The following SPP2 variants were observed in gnomAD, a reference collection of about 807,000 sequenced individuals.
The protein encoded by SPP2 is secreted phosphoprotein 24.
SPP2 carries 34 observed loss-of-function variants against 28.8 expected under a neutral mutation model. The observed-to-expected ratio is 1.18, with a 90% CI of 0.90 to 1.57. The LOEUF (loss-of-function observed/expected upper bound fraction) is 1.57, where lower values mean the gene tolerates loss of function less well. SPP2 is among the 40% of genes most tolerant of loss of function. The probability of loss-of-function intolerance (pLI) is 0.00; values close to 1 mark genes in which losing one functional copy is unlikely to be tolerated. For synonymous variants in SPP2, 96 were observed against 89.4 expected (o/e 1.07, Z -0.42); for missense variants, 269 against 263.9 (o/e 1.02, Z -0.13).
At chr2:234,057,409 C>A (rs1429477818) in intron 2 of SPP2, among the ~76,000 whole-genome samples, 1 of 152,218 alleles carries the variant, frequency 6.6e-6, no homozygotes, top group African/African-American at 2.4e-5. Flanking sequence ...GGATGAGCTT[C>A]TTCCCATCCT....
chr2:234,066,455 T>A (rs1053092195), intron 4 of SPP2, 78 bp from the exon 5 acceptor site: 2 of 1,162,036 alleles, frequency 1.7e-6, no homozygotes, highest in African/African-American at 3.0e-5. Flanking sequence ...GTCTTCCAGA[T>A]GACATTTACA....
chr2:234,071,302 A>T (rs1690776066), intron 7 of SPP2, among the ~76,000 whole-genome samples: 1 of 152,128 alleles, frequency 6.6e-6, no homozygotes. Flanking sequence ...GCCCCATATA[A>T]ACTAATGCTT....
At chr2:234,052,270 C>T (rs1693513627) in intron 2 of SPP2, among the ~76,000 whole-genome samples, 1 of 152,086 alleles carries the variant, frequency 6.6e-6, no homozygotes, top group East Asian at 1.9e-4. Flanking sequence ...AATACAGAAC[C>T]CCCTTTCCTT....
intron 4 of SPP2, among the ~76,000 whole-genome samples, chr2:234,066,268 G>A (rs11562991): frequency 0.019 from 2,823 of 152,238 alleles, 33 homozygotes; most frequent in Non-Finnish European, 0.027. Context: ...TCTGGAAGCC[G>A]GCAATGTTTG....
At chr2:234,061,361 A>G (rs183023028) in intron 4 of SPP2, among the ~76,000 whole-genome samples, 201 of 152,302 alleles carry the variant, frequency 1.3e-3, no homozygotes, top group Admixed American at 2.4e-3. Flanking sequence ...ATGCAAGAAA[A>G]CTGGGGAAGA....
intron 7 of SPP2, among the ~76,000 whole-genome samples, chr2:234,072,106 T>C (rs1690801624): frequency 6.6e-6 from 1 of 152,242 alleles, no homozygotes; most frequent in South Asian, 2.1e-4. Context: ...GTGAATGAAA[T>C]CCTTCACTTT....
At chr2:234,068,702 C>CTTT (rs35373190) in intron 6 of SPP2, among the ~76,000 whole-genome samples, 3 of 128,420 alleles carry the variant, frequency 2.3e-5, no homozygotes, top group African/African-American at 8.6e-5. Flanking sequence ...GAATCCATGG[C>CTTT]TTTTTTTTTT....
chr2:234,065,288 TTTG>T lies in SPP2; in HGVS notation c.445-1235_445-1233del, dbSNP rs199603713. Among the ~76,000 whole-genome samples, 1,130 of 152,282 alleles carry T rather than the reference TTTG, an allele frequency of 7.4e-3. 12 individuals carry two copies. Among genetic ancestry groups the T allele is most frequent in the African/African-American group, 0.026 (1,080 of 41,554 alleles). ...GACGTGGTATCTCATTGTAGTTTTT[TTTG>T]TTGTTGTTGACAGAGTCTCACTCTG... On this transcript the variant is annotated intron_variant, in intron 4 of 7. Coordinates refer to ENST00000168148, the MANE Select transcript of SPP2 (RefSeq NM_006944.3).
intron 2 of SPP2, 124 bp downstream of exon 2, chr2:234,051,219 T>C: frequency 7.9e-7 from 1 of 1,263,116 alleles, no homozygotes; most frequent in African/African-American, 1.5e-5. Flanking sequence ...GTCATCTCTT[T>C]CATACTGTCT....
intron 6 of SPP2, among the ~76,000 whole-genome samples, chr2:234,069,340 G>A (rs1326369815): frequency 6.6e-6 from 1 of 152,180 alleles, no homozygotes; most frequent in Non-Finnish European, 1.5e-5. Flanking sequence ...CCCAATGTGG[G>A]AAGGGACTGC....
intron 7 of SPP2, among the ~76,000 whole-genome samples, chr2:234,070,620 C>T (rs1349433678): frequency 6.6e-6 from 1 of 152,114 alleles, no homozygotes; most frequent in African/African-American, 2.4e-5. Flanking sequence ...TGCCACCACG[C>T]TCAGCTAATA....
chr2:234,052,874 T>TATTTTG (rs1479561110), intron 2 of SPP2, among the ~76,000 whole-genome samples: 3 of 152,226 alleles, frequency 2.0e-5, no homozygotes, highest in Admixed American at 2.0e-4. Context: ...GAGTGTTTCA[T>TATTTTG]ATTTTGATTT....
At position 234,051,065 on chromosome 2, in the gene SPP2, G is replaced by C. The variant is rs150743830; in HGVS notation, c.180G>C (p.Leu60=). 30 of 1,613,830 alleles carry C rather than the reference G, an allele frequency of 1.9e-5. No individual in the cohort carries two copies. The African/African-American group carries it at 3.3e-4, about 18-fold the overall frequency. Reference sequence around the variant, plus strand: ...ATTCCCAGTCACTGAGTCCGTATCTGTTTCGGGCATTCAGAAGCTCATTAA... The same window carrying C: ...ATTCCCAGTCACTGAGTCCGTATCTCTTTCGGGCATTCAGAAGCTCATTAA... The part of the protein sequence containing the change: ...KVNSQSLSPY[L]FRAFRSSLKR... The change falls in exon 2 of 8, where the codon CTG becomes CTC. Residue 60 remains leucine, a synonymous_variant. Transcript: ENST00000168148.
At chr2:234,067,430 A>C (rs1693844403) in intron 6 of SPP2, among the ~76,000 whole-genome samples, 156 bp downstream of exon 6, 1 of 152,202 alleles carries the variant, frequency 6.6e-6, no homozygotes, top group Admixed American at 6.5e-5. Flanking sequence ...AGTAATGTAT[A>C]AACTTGCTTT....
chr2:234,066,570 GA>G lies in SPP2; in HGVS notation c.485del (p.Asn162ThrfsTer13), dbSNP rs1559176718. 9.9e-6 allele frequency: 16 copies of G among 1,611,964 alleles called. No individual in the cohort carries two copies. Among genetic ancestry groups the G allele is most frequent in the African/African-American group, 6.7e-5 (5 of 74,986 alleles). On this transcript the variant is annotated frameshift_variant, in exon 5 of 8. Coordinates refer to ENST00000168148, the MANE Select transcript of SPP2 (RefSeq NM_006944.3). LOFTEE classifies it high-confidence loss of function. ...GACATGTTGGGATCTCATAAATGGAGAAACAATTATCTATTTGGTAAGTTAA... is the reference window on the plus strand; with the variant it reads ...GACATGTTGGGATCTCATAAATGGAGAACAATTATCTATTTGGTAAGTTAA... ...FGDMLGSHKW[R>X]NNYLFGLISD...
intron 4 of SPP2, among the ~76,000 whole-genome samples, chr2:234,063,283 G>A (rs1693755858): frequency 6.6e-6 from 1 of 152,002 alleles, no homozygotes; most frequent in Non-Finnish European, 1.5e-5. Context: ...AACTCCCAGA[G>A]TAATAAAAAT....
intron 4 of SPP2, among the ~76,000 whole-genome samples, chr2:234,060,968 T>C (rs1350720130): frequency 6.6e-6 from 1 of 152,198 alleles, no homozygotes; most frequent in Non-Finnish European, 1.5e-5. Context: ...TCAGGATACT[T>C]GACTTTCATT....
chr2:234,061,745 C>A (rs369170047), intron 4 of SPP2, among the ~76,000 whole-genome samples: 1 of 152,098 alleles, frequency 6.6e-6, no homozygotes, highest in African/African-American at 2.4e-5. Context: ...CAGAGGATGG[C>A]CTTATTGGTA....
At chr2:234,052,937 A>G (rs937571956) in intron 2 of SPP2, among the ~76,000 whole-genome samples, 1 of 152,190 alleles carries the variant, frequency 6.6e-6, no homozygotes, top group African/African-American at 2.4e-5. Context: ...ATGGCTCCAA[A>G]TATACCAATT....
Sources: allele counts gnomAD v4.1 joint callset (sites outside exome capture counted in the v4.1 genomes callset), GRCh38; gene constraint gnomAD v4.1.1; transcripts MANE v1.5; gene names NCBI Gene and HGNC (gene_info 2026-07-23, HGNC 2026-07-21).